Variants in RARB observed in about 807,000 individuals in gnomAD.
The protein encoded by RARB is retinoic acid receptor beta, also known as HBV-activated protein.
RARB carries 17 observed loss-of-function variants against 51.9 expected under a neutral mutation model. The ratio of observed to expected loss-of-function variants is 0.33; its 90% CI spans 0.22 to 0.49. The LOEUF (loss-of-function observed/expected upper bound fraction) is 0.49. Ranked by LOEUF, RARB falls within the 20% of genes least tolerant of loss-of-function variation. The pLI, the probability that RARB is intolerant of heterozygous loss-of-function variation, is 0.99. For synonymous variants in RARB, 215 were observed against 195.4 expected, an observed-to-expected ratio of 1.10 and a Z score of -0.84; for missense variants, 369 against 550.8, an observed-to-expected ratio of 0.67 and a Z score of 3.30.
intron 2 of RARB, chr3:25,462,160 G>T (rs1169127867): frequency 6.6e-6 from 1 of 152,134 alleles, no homozygotes; most frequent in Non-Finnish European, 1.5e-5. Context: ...ATAAATTCAG[G>T]GGAGCTGGAT....
At position 25,374,911 on chromosome 3, in the gene RARB, A is replaced by G. The variant is rs537922332; in HGVS notation, c.179-86282A>G. ...GGAGCACATCTAGAAAACACCACAG[A>G]GAAGACTCTAAGATTATTTTTTTTC... On this transcript the variant is annotated intron_variant, in intron 5 of 11. Transcript: ENST00000383772. Among the ~76,000 whole-genome samples, 3 of 152,322 alleles carry G rather than the reference A, an allele frequency of 2.0e-5. No homozygotes were observed. In the South Asian group the frequency reaches 6.2e-4, roughly 32 times the overall value.
chr3:25,241,276 T>A (rs1348564489), intron 5 of RARB, among the ~76,000 whole-genome samples: 1 of 152,210 alleles, frequency 6.6e-6, no homozygotes, highest in Admixed American at 6.5e-5. Flanking sequence ...ATACTTGTTA[T>A]GATTTTGATT....
intron 2 of RARB, among the ~76,000 whole-genome samples, chr3:24,865,147 G>T (rs774066733): frequency 5.9e-5 from 9 of 151,976 alleles, no homozygotes; most frequent in Non-Finnish European, 2.9e-5. Context: ...TAAATTATAG[G>T]CCCTAATAAA....
chr3:25,049,310 G>C (rs1031623931), intron 2 of RARB, among the ~76,000 whole-genome samples: 2 of 152,172 alleles, frequency 1.3e-5, no homozygotes, highest in African/African-American at 4.8e-5. Context: ...TTTGTCTTCT[G>C]CTCCTACAGA....
At chr3:25,107,307 C>T (rs1020509321) in intron 3 of RARB, among the ~76,000 whole-genome samples, 1 of 152,084 alleles carries the variant, frequency 6.6e-6, no homozygotes, top group African/African-American at 2.4e-5. Flanking sequence ...TTCCCCTAGT[C>T]GAATTTGTAC....
At chr3:24,840,593 C>G (rs922520844) in intron 1 of RARB, among the ~76,000 whole-genome samples, 1 of 151,998 alleles carries the variant, frequency 6.6e-6, no homozygotes, top group Non-Finnish European at 1.5e-5. Context: ...TTTTGTATGA[C>G]ATATAAAACC....
chr3:25,179,250 T>C lies in RARB; in HGVS notation c.178+4675T>C, dbSNP rs80133457. 1.3e-3 allele frequency among the ~76,000 whole-genome samples: 205 copies of C among 152,338 alleles called. 5 individuals carry two copies. In the East Asian group the frequency reaches 0.022, roughly 17 times the overall value. On this transcript the variant is annotated intron_variant, in intron 5 of 11. Coordinates refer to the RARB transcript ENST00000383772. Reference sequence around the variant, plus strand: ...GTCTAAAGCAGGGTGTGCTGATCGATTGAATTTCCTTATTACATGTTAGGG... The same window carrying C: ...GTCTAAAGCAGGGTGTGCTGATCGACTGAATTTCCTTATTACATGTTAGGG...
chr3:25,135,370 A>G (rs1700016343), intron 4 of RARB, among the ~76,000 whole-genome samples: 1 of 152,012 alleles, frequency 6.6e-6, no homozygotes, highest in Admixed American at 6.6e-5. Flanking sequence ...TATTACTTCT[A>G]TTTCCTTGGG....
chr3:25,159,449 G>A (rs1329017229), intron 4 of RARB, among the ~76,000 whole-genome samples: 1 of 150,538 alleles, frequency 6.6e-6, no homozygotes, highest in African/African-American at 2.5e-5. Flanking sequence ...AAAGTGCTGG[G>A]ATTACAGGCG....
At chr3:25,481,573 T>G (rs896304411) in intron 2 of RARB, among the ~76,000 whole-genome samples, 1 of 152,236 alleles carries the variant, frequency 6.6e-6, no homozygotes, top group Non-Finnish European at 1.5e-5. Flanking sequence ...CTGTCTGTTA[T>G]GGTCACTGAA....
intron 2 of RARB, among the ~76,000 whole-genome samples, chr3:24,965,053 G>T (rs570742557): frequency 6.6e-6 from 1 of 152,268 alleles, no homozygotes; most frequent in African/African-American, 2.4e-5. Context: ...TAGATTTACA[G>T]AAACAATAGC....
chr3:24,925,653 T>C (rs1414660026), intron 2 of RARB, among the ~76,000 whole-genome samples: 1 of 131,740 alleles, frequency 7.6e-6, no homozygotes, highest in Non-Finnish European at 1.5e-5. Context: ...CTTTTTTTTT[T>C]TTAAAAAAAA....
intron 4 of RARB, 44 bp downstream of exon 4, chr3:25,569,962 T>G (rs750549174): frequency 1.3e-6 from 2 of 1,567,098 alleles, no homozygotes; most frequent in Admixed American, 3.4e-5. Flanking sequence ...TGTGGAAACC[T>G]TGTACGTGCA....
intron 2 of RARB, among the ~76,000 whole-genome samples, chr3:24,940,210 G>A (rs7614855): frequency 0.48 from 72,649 of 151,752 alleles, 18,104 homozygotes; most frequent in East Asian, 0.7. Context: ...TCATCTTTTC[G>A]TAGTACAAAA....
At chr3:25,096,997 A>G (rs573809639) in intron 3 of RARB, among the ~76,000 whole-genome samples, 3 of 152,294 alleles carry the variant, frequency 2.0e-5, no homozygotes, top group African/African-American at 7.2e-5. Context: ...GATAGCCAAG[A>G]ATAAAAGAGG....
intron 5 of RARB, among the ~76,000 whole-genome samples, chr3:25,188,227 T>A (rs1472462293): frequency 6.6e-6 from 1 of 152,240 alleles, no homozygotes; most frequent in East Asian, 1.9e-4. Context: ...TTATCTTTAT[T>A]CAGGGACCAT....
At chr3:24,946,538 TA>T (rs1277474201) in intron 2 of RARB, among the ~76,000 whole-genome samples, 1 of 151,930 alleles carries the variant, frequency 6.6e-6, no homozygotes, top group Non-Finnish European at 1.5e-5. Flanking sequence ...AATGTGTGCT[TA>T]AAAAACCTAG....
chr3:25,341,353 A>G (rs971755380), intron 5 of RARB, among the ~76,000 whole-genome samples: 3 of 152,190 alleles, frequency 2.0e-5, no homozygotes, highest in African/African-American at 7.2e-5. Context: ...ATAGCATTAT[A>G]TATGTTTCCA....
chr3:25,092,236 C>T (rs1699211417), intron 3 of RARB, among the ~76,000 whole-genome samples: 1 of 152,128 alleles, frequency 6.6e-6, no homozygotes, highest in East Asian at 1.9e-4. Flanking sequence ...AAGTATCCAA[C>T]CGAAAAGGTT....
Sources: allele counts gnomAD v4.1 joint callset (sites outside exome capture counted in the v4.1 genomes callset), GRCh38; gene constraint gnomAD v4.1.1; transcripts MANE v1.5; gene names NCBI Gene and HGNC (gene_info 2026-07-23, HGNC 2026-07-21).